Variants in GJC3 observed in about 807,000 individuals in gnomAD.
GJC3 encodes the protein gap junction gamma-3 protein.
In GJC3, 17 loss-of-function variants were observed where a neutral mutation model predicts 19.8. That is an observed-to-expected ratio of 0.86 (90% CI 0.59 to 1.29). GJC3 has a LOEUF of 1.29. GJC3 is among the 50% of genes most tolerant of loss of function. GJC3 has a pLI of 0.00. For missense variants in GJC3, 317 were observed against 332.5 expected (o/e 0.95, Z 0.36); for synonymous variants, 140 against 136.5 (o/e 1.03, Z -0.18).
Position 99,929,009 on chromosome 7 carries a change from C to G in GJC3, c.612G>C (p.Leu204Phe), listed in dbSNP as rs1276939875. The change falls in exon 1 of 2, where the codon TTG (leucine) becomes TTC (phenylalanine). Residue 204 changes from leucine to phenylalanine, a missense_variant. Leu to Phe is a conservative substitution (Grantham distance 22). Transcript: ENST00000312891. ...GAAGCACAAGCTCCAAAAAAGTAAA[C>G]AAGAGACAGAAACCGCTGACTCCAA... ...TMFGVSGFCL[L>F]FTFLELVLLG... is the part of the protein sequence containing the mutation. 1.2e-6 allele frequency: 2 copies of G among 1,614,046 alleles called. No homozygotes were observed. Among genetic ancestry groups the G allele is most frequent in the Non-Finnish European group, 1.7e-6 (2 of 1,180,040 alleles).
At chr7:99,928,781 CG>C in intron 1 of GJC3, 58 bp downstream of exon 1, 4 of 1,531,284 alleles carry the variant, frequency 2.6e-6, no homozygotes, top group Non-Finnish European at 3.6e-6. Context: ...GGACCTGCCC[CG>C]GGAGGAGATC....
At position 99,929,565 on chromosome 7, in the gene GJC3, G is replaced by C. The variant is rs201016616; in HGVS notation, c.56C>G (p.Pro19Arg). ...LLAEESRRSTPVGRLLLPVLL... is the reference protein window; with the variant it reads ...LLAEESRRSTRVGRLLLPVLL... ...CACGGGAAGCAAGAGGCGCCCCACGGGGGTGGAGCGCCGGCTCTCCTCCGC... is the reference window on the plus strand; with the variant it reads ...CACGGGAAGCAAGAGGCGCCCCACGCGGGTGGAGCGCCGGCTCTCCTCCGC... Residue 19 changes from proline to arginine, a missense_variant, in exon 1 of 2, where the codon CCC becomes CGC. Pro to Arg is a moderately radical substitution (Grantham distance 103, BLOSUM62 -2). Coordinates refer to ENST00000312891, the MANE Select transcript of GJC3 (RefSeq NM_181538.3). 8 of 1,612,250 alleles carry C rather than the reference G, an allele frequency of 5.0e-6. No individual in the cohort carries two copies. The highest frequency in any genetic ancestry group is 4.0e-5 in the African/African-American group (3 of 74,926).
At chr7:99,924,882 T>A (rs1239536132) in intron 1 of GJC3, among the ~76,000 whole-genome samples, 1 of 152,210 alleles carries the variant, frequency 6.6e-6, no homozygotes, top group Non-Finnish European at 1.5e-5. Context: ...TACAAAATCC[T>A]CCAGTCTTAT....
chr7:99,924,559 C>T lies in GJC3; in HGVS notation c.782-956G>A, dbSNP rs1584280882. On this transcript the variant is annotated intron_variant, in intron 1 of 1. Transcript: ENST00000312891. ...TCCTGCCATTGCACTCCAGCCTGGG[C>T]GATGAGCAAAATTCCATCTCAAAAG... 3.3e-5 allele frequency among the ~76,000 whole-genome samples: 5 copies of T among 152,246 alleles called. No individual in the cohort carries two copies. The South Asian group carries it at 6.2e-4, about 19-fold the overall frequency.
chr7:99,924,626 G>A (rs1490454154), intron 1 of GJC3, among the ~76,000 whole-genome samples: 1 of 152,172 alleles, frequency 6.6e-6, no homozygotes. Context: ...TTGCGGTGGA[G>A]TATCTACATT....
Position 99,923,557 on chromosome 7 carries a change from G to A in GJC3, c.828C>T (p.Pro276=). Residue 276 remains proline, a synonymous_variant, in exon 2 of 2, where the codon CCC becomes CCT. Transcript: ENST00000312891. ...LAQEKQRPVG[P]RDA ...GTTCATCTCCAACTCAGGCATCTCT[G>A]GGTCCAACTGGTCTTTGTTTTTCCT... 1 of 780,970 alleles carries A rather than the reference G, an allele frequency of 1.3e-6. No homozygotes were observed. The highest frequency in any genetic ancestry group is 1.3e-5 in the South Asian group (1 of 74,610). 48.4% of individuals were successfully genotyped at this position (780,970 alleles called of 1,614,324 possible).
chr7:99,927,959 C>T (rs1304489281), intron 1 of GJC3, among the ~76,000 whole-genome samples: 1 of 152,226 alleles, frequency 6.6e-6, no homozygotes, highest in Non-Finnish European at 1.5e-5. Context: ...ATCAAGGGGG[C>T]CTAAGCCCCT....
rs376792016 is a variant in GJC3 at position 99,929,398 on chromosome 7, G to C, written c.223C>G (p.Arg75Gly). The stretch of plus-strand genomic sequence containing the variant: ...AAGATGACCTGGAAGACCCAGAAAC[G>C]CAGCGGGGAGAGGGGGTGGAAGGCA... ...FDAFHPLSPL[R>G]FWVFQVILVA... The change falls in exon 1 of 2, where the codon CGT becomes GGT. Residue 75 changes from arginine (R) to glycine (G), a missense_variant. By Grantham distance (125) the Arg-to-Gly change is moderately radical (BLOSUM62 -2). Coordinates refer to ENST00000312891, the MANE Select transcript of GJC3 (RefSeq NM_181538.3). 2 of 1,613,990 alleles carry C rather than the reference G, an allele frequency of 1.2e-6. No homozygotes were observed. The highest frequency in any genetic ancestry group is 2.7e-5 in the African/African-American group (2 of 74,910).
rs1347378395 is a variant in GJC3, at chr7:99,928,938, G to A, written c.683C>T (p.Ser228Phe). Residue 228 changes from serine (S) to phenylalanine (F), a missense_variant, in exon 1 of 2, where the codon TCT becomes TTT. By Grantham distance (155) the Ser-to-Phe change is radical. Coordinates refer to ENST00000312891, the MANE Select transcript of GJC3 (RefSeq NM_181538.3). Reference sequence around the variant, plus strand: ...CTCTGAAGTTAGGAAGTATTTAGAAGAGGAAGATTTGTGCTTCCAGGTCCT... The same window carrying A: ...CTCTGAAGTTAGGAAGTATTTAGAAAAGGAAGATTTGTGCTTCCAGGTCCT... Reference protein sequence around the residue: ...WWRTWKHKSSSSKYFLTSEST... With the variant: ...WWRTWKHKSSFSKYFLTSEST... 1 of 1,614,164 alleles carries A rather than the reference G, an allele frequency of 6.2e-7. No homozygotes were observed. The highest frequency in any genetic ancestry group is 1.3e-5 in the African/African-American group (1 of 75,036).
chr7:99,928,435 A>G (rs1819841449), intron 1 of GJC3, among the ~76,000 whole-genome samples: 1 of 152,156 alleles, frequency 6.6e-6, no homozygotes, highest in Non-Finnish European at 1.5e-5. Flanking sequence ...ATGAATCCCC[A>G]CTCACTGGAT....
At chr7:99,924,569 A>T (rs1224431039) in intron 1 of GJC3, among the ~76,000 whole-genome samples, 1 of 152,140 alleles carries the variant, frequency 6.6e-6, no homozygotes, top group Non-Finnish European at 1.5e-5. Context: ...CGATGAGCAA[A>T]ATTCCATCTC....
rs772211444 is a variant in GJC3 at position 99,928,858 on chromosome 7, CT to C, written c.762del (p.Glu255SerfsTer12). The C allele has an allele frequency of 6.2e-7, 1 of 1,613,688 alleles. No individual in the cohort carries two copies. Among genetic ancestry groups the C allele is most frequent in the African/African-American group, 1.3e-5 (1 of 74,882 alleles). On this transcript the variant is annotated frameshift_variant, in exon 1 of 2. Coordinates refer to ENST00000312891, the MANE Select transcript of GJC3 (RefSeq NM_181538.3). LOFTEE classifies it high-confidence loss of function. ...ATDSLPVVET[K>X]EQFQEAVPGR... ...TTCTCACCTGCTTCTTGAAATTGCT[CT>C]TTGGTTTCCACCACTGGGAGGCTAT...
At chr7:99,930,409 A>G (rs1819879590), upstream of GJC3, among the ~76,000 whole-genome samples, 1 of 152,120 alleles carries the variant, frequency 6.6e-6, no homozygotes. Context: ...TTTGACCCCC[A>G]CTTGCCATTG....
intron 1 of GJC3, among the ~76,000 whole-genome samples, chr7:99,928,038 C>T (rs1289022518): frequency 6.6e-6 from 1 of 152,226 alleles, no homozygotes; most frequent in African/African-American, 2.4e-5. Flanking sequence ...TTAGAGGACA[C>T]TGACTTATAT....
intron 1 of GJC3, among the ~76,000 whole-genome samples, chr7:99,927,502 T>C (rs78828444): frequency 0.05 from 7,609 of 152,210 alleles, 261 homozygotes; most frequent in Middle Eastern, 0.071. Context: ...TCCTAGCTAT[T>C]GCCAAAGCAT....
At position 99,929,507 on chromosome 7, in the gene GJC3, G is replaced by A. The variant is rs1446650385; in HGVS notation, c.114C>T (p.Ala38=). 1 of 1,614,106 alleles carries A rather than the reference G, an allele frequency of 6.2e-7. No individual in the cohort carries two copies. The highest frequency in any genetic ancestry group is 1.7e-5 in the Admixed American group (1 of 60,032). Reference sequence around the variant, plus strand: ...CATCACCATAGACTCCAGGCCCACTGGCAGCCAGCAGCACAAGGCGGAATC... The same window carrying A: ...CATCACCATAGACTCCAGGCCCACTAGCAGCCAGCAGCACAAGGCGGAATC... ...LLGFRLVLLA[A]SGPGVYGDEQ... Residue 38 remains alanine (A), a synonymous_variant, in exon 1 of 2, where the codon GCC becomes GCT. Coordinates refer to ENST00000312891, the MANE Select transcript of GJC3 (RefSeq NM_181538.3).
intron 1 of GJC3, among the ~76,000 whole-genome samples, chr7:99,926,703 G>T (rs545789959): frequency 1.3e-5 from 2 of 152,194 alleles, no homozygotes; most frequent in South Asian, 2.1e-4. Flanking sequence ...AGGGGGTAGG[G>T]TTTTTTTAAG....
rs978959569 is a variant in GJC3 at position 99,923,587 on chromosome 7, T to G, written c.798A>C (p.Leu266Phe). The G allele has an allele frequency of 2.6e-6, 2 of 781,000 alleles. No individual in the cohort carries two copies. The highest frequency in any genetic ancestry group is 4.8e-6 in the Non-Finnish European group (2 of 418,136). The allele number at this position is 781,000 out of a possible 1,614,324, so 48.4% of individuals were successfully genotyped here. The part of the protein sequence containing the change: ...QFQEAVPGRS[L>F]AQEKQRPVGP... Reference sequence around the variant, plus strand: ...CAACTGGTCTTTGTTTTTCCTGGGCTAAGCTTCTTCCTGGAACTTTTTAAA... The same window carrying G: ...CAACTGGTCTTTGTTTTTCCTGGGCGAAGCTTCTTCCTGGAACTTTTTAAA... The change falls in exon 2 of 2, where the codon TTA becomes TTC. Residue 266 changes from leucine to phenylalanine, a missense_variant. Leu to Phe is a conservative substitution (Grantham distance 22, BLOSUM62 0). Coordinates refer to ENST00000312891, the MANE Select transcript of GJC3 (RefSeq NM_181538.3).
intron 1 of GJC3, among the ~76,000 whole-genome samples, chr7:99,926,706 T>C (rs1462277114): frequency 6.6e-6 from 1 of 152,178 alleles, no homozygotes; most frequent in African/African-American, 2.4e-5. Flanking sequence ...GGGTAGGGTT[T>C]TTTTAAGTTG....
Sources: allele counts gnomAD v4.1 joint callset (sites outside exome capture counted in the v4.1 genomes callset), GRCh38; gene constraint gnomAD v4.1.1; transcripts MANE v1.5; gene names NCBI Gene and HGNC (gene_info 2026-07-23, HGNC 2026-07-21).